Variants in TMEM108 observed in about 807,000 individuals in gnomAD.
TMEM108 encodes the protein cancer/testis antigen 124.
A neutral mutation model predicts 35.1 loss-of-function variants in TMEM108; 12 were observed. The ratio of observed to expected loss-of-function variants is 0.34; its 90% CI spans 0.22 to 0.55. The LOEUF (loss-of-function observed/expected upper bound fraction) is 0.55, where lower values mean the gene tolerates loss of function less well. Among genes scored for constraint, TMEM108 ranks in the 20% least tolerant of loss-of-function variants. TMEM108 has a pLI of 0.89. For missense variants in TMEM108, 680 were observed against 753.3 expected (o/e 0.90, Z 1.14); for synonymous variants, 287 against 308.6 (o/e 0.93, Z 0.73).
intron 3 of TMEM108, among the ~76,000 whole-genome samples, chr3:133,348,769 T>C (rs1015495507): frequency 6.6e-6 from 1 of 152,166 alleles, no homozygotes. Flanking sequence ...AATTCGGGAA[T>C]GAGAGCCTAA....
chr3:133,358,845 G>T (rs1219912946), intron 3 of TMEM108, among the ~76,000 whole-genome samples: 1 of 151,994 alleles, frequency 6.6e-6, no homozygotes, highest in Non-Finnish European at 1.5e-5. Context: ...ATTAGTTGGG[G>T]TGGAGAAGGA....
chr3:133,106,330 G>T (rs911811350), intron 2 of TMEM108, among the ~76,000 whole-genome samples: 1 of 152,054 alleles, frequency 6.6e-6, no homozygotes, highest in African/African-American at 2.4e-5. Context: ...TTGTGTTACA[G>T]ATGTGGGAGC....
chr3:133,379,270 G>A (rs1235290455), intron 3 of TMEM108, among the ~76,000 whole-genome samples: 1 of 152,226 alleles, frequency 6.6e-6, no homozygotes, highest in Non-Finnish European at 1.5e-5. Context: ...GGGCATAAGA[G>A]TTGGTACATA....
chr3:133,383,227 C>T (rs1462668703), intron 4 of TMEM108, among the ~76,000 whole-genome samples: 1 of 152,090 alleles, frequency 6.6e-6, no homozygotes, highest in East Asian at 1.9e-4. Flanking sequence ...ATTTTTTTAT[C>T]ATTCCATCTT....
intron 3 of TMEM108, among the ~76,000 whole-genome samples, chr3:133,324,915 A>G (rs1366709799): frequency 6.6e-6 from 1 of 152,152 alleles, no homozygotes; most frequent in Non-Finnish European, 1.5e-5. Context: ...GACGGAGGTT[A>G]CAGTGAGCTG....
intron 2 of TMEM108, among the ~76,000 whole-genome samples, chr3:133,085,625 G>T (rs1943872099): frequency 6.6e-6 from 1 of 152,132 alleles, no homozygotes; most frequent in African/African-American, 2.4e-5. Flanking sequence ...AGCCTCTTCA[G>T]TCTGATTCCT....
Position 133,057,450 on chromosome 3 carries a change from T to C in TMEM108, c.-47+11430T>C, listed in dbSNP as rs1251877181. Among the ~76,000 whole-genome samples, 110 of 28,262 alleles carry C rather than the reference T, an allele frequency of 3.9e-3. 1 individual carries two copies. Among genetic ancestry groups the C allele is most frequent in the African/African-American group, 9.8e-3 (108 of 11,050 alleles). 18.5% of individuals were successfully genotyped at this position (28,262 alleles called of 152,430 possible). ...GTGTGTGTGTGTATATATATATATA[T>C]ATATATATATATATATATATATATA... On this transcript the variant is annotated intron_variant, in intron 2 of 5. Coordinates refer to ENST00000321871, the MANE Select transcript of TMEM108 (RefSeq NM_023943.4).
intron 3 of TMEM108, among the ~76,000 whole-genome samples, chr3:133,322,207 A>G (rs2071275591): frequency 1.3e-5 from 2 of 151,888 alleles, no homozygotes; most frequent in African/African-American, 4.8e-5. Flanking sequence ...AATTGAAACA[A>G]AAAAAATACA....
chr3:133,116,828 C>T (rs766423374), intron 2 of TMEM108, among the ~76,000 whole-genome samples: 2 of 152,224 alleles, frequency 1.3e-5, no homozygotes, highest in African/African-American at 2.4e-5. Context: ...CAGGCTGGAG[C>T]GCAATGGCGT....
At chr3:133,195,005 A>C (rs1945556690) in intron 2 of TMEM108, among the ~76,000 whole-genome samples, 2 of 152,230 alleles carry the variant, frequency 1.3e-5, no homozygotes, top group African/African-American at 4.8e-5. Context: ...ATGATCTTAA[A>C]TCTGGAAAGA....
chr3:133,257,614 A>G (rs1946566348), intron 3 of TMEM108, among the ~76,000 whole-genome samples: 1 of 152,202 alleles, frequency 6.6e-6, no homozygotes. Flanking sequence ...TGAAAGCTTA[A>G]GTTGGCAAAT....
At chr3:133,079,869 T>G (rs543159758) in intron 2 of TMEM108, among the ~76,000 whole-genome samples, 1 of 152,138 alleles carries the variant, frequency 6.6e-6, no homozygotes, top group African/African-American at 2.4e-5. Context: ...TAGGTATGCC[T>G]TCTCTTCAAG....
At chr3:133,392,135 C>T (rs940156781) in intron 5 of TMEM108, among the ~76,000 whole-genome samples, 6 of 151,240 alleles carry the variant, frequency 4.0e-5, no homozygotes, top group African/African-American at 1.5e-4. Context: ...GCCACCACTT[C>T]TCTTCTTTTT....
intron 2 of TMEM108, among the ~76,000 whole-genome samples, chr3:133,158,191 T>G (rs1328143095): frequency 6.6e-6 from 1 of 152,114 alleles, no homozygotes; most frequent in Non-Finnish European, 1.5e-5. Context: ...TTAGATGGGC[T>G]AGGTGTGGTG....
At position 133,284,130 on chromosome 3, in the gene TMEM108, T is replaced by G. The variant is rs541111307; in HGVS notation, c.40+54779T>G. Among the ~76,000 whole-genome samples the G allele has an allele frequency of 2.4e-4, 36 of 152,324 alleles. 1 individual carries two copies. The highest frequency in any genetic ancestry group is 9.8e-4 in the Admixed American group (15 of 15,296). ...CCTGCAGCCAGCTATGTCTTTCTCA[T>G]CCTTCTGTTTGGGCTCCTCTATTTA... On this transcript the variant is annotated intron_variant, in intron 3 of 5. Coordinates refer to ENST00000321871, the MANE Select transcript of TMEM108 (RefSeq NM_023943.4).
chr3:133,375,375 C>T (rs1576522463), intron 3 of TMEM108, among the ~76,000 whole-genome samples: 1 of 152,220 alleles, frequency 6.6e-6, no homozygotes, highest in Non-Finnish European at 1.5e-5. Context: ...CATATTCAGA[C>T]ACGTTTTAAA....
At chr3:133,391,851 C>G (rs1048520937) in intron 5 of TMEM108, among the ~76,000 whole-genome samples, 11 of 152,244 alleles carry the variant, frequency 7.2e-5, no homozygotes, top group African/African-American at 2.7e-4. Flanking sequence ...TCTTAGCTCC[C>G]TGTGCTTTTT....
At chr3:133,100,466 T>C (rs1208408024) in intron 2 of TMEM108, among the ~76,000 whole-genome samples, 1 of 152,118 alleles carries the variant, frequency 6.6e-6, no homozygotes, top group East Asian at 1.9e-4. Context: ...TAGCTGGGCA[T>C]AGCAGTGCAC....
chr3:133,057,160 T>C (rs557231732), intron 2 of TMEM108, among the ~76,000 whole-genome samples: 2 of 152,260 alleles, frequency 1.3e-5, no homozygotes, highest in South Asian at 4.1e-4. Flanking sequence ...TGTCAGTGTT[T>C]CCTTGTTCAT....
Sources: allele counts gnomAD v4.1 joint callset (sites outside exome capture counted in the v4.1 genomes callset), GRCh38; gene constraint gnomAD v4.1.1; transcripts MANE v1.5; gene names NCBI Gene and HGNC (gene_info 2026-07-23, HGNC 2026-07-21).